ZNF69: variants seen among roughly 807,000 people sequenced by gnomAD.
The protein encoded by ZNF69 is zinc finger protein 69.
In ZNF69, 47 loss-of-function variants were observed where a neutral mutation model predicts 50.9. The ratio of observed to expected loss-of-function variants is 0.92; its 90% CI spans 0.73 to 1.18. The LOEUF (loss-of-function observed/expected upper bound fraction) is 1.18, where lower values mean the gene tolerates loss of function less well. Among genes scored for constraint, ZNF69 ranks in the 50% most tolerant of loss-of-function variants. The pLI, the probability that ZNF69 is intolerant of heterozygous loss-of-function variation, is 0.00. For missense variants in ZNF69, 717 were observed against 675.1 expected (o/e 1.06, Z -0.69); for synonymous variants, 216 against 223.1 (o/e 0.97, Z 0.29).
chr19:11,904,005 C>T (rs28588743), intron 3 of ZNF69, 40 bp downstream of exon 3: 4 of 1,530,730 alleles, frequency 2.6e-6, no homozygotes, highest in Admixed American at 1.8e-5. Flanking sequence ...TCTCTCTAGA[C>T]AATCTTAGAA....
the ZNF69 span, chr19:11,976,985 C>T: frequency 6.2e-7 from 1 of 1,609,974 alleles, no homozygotes; most frequent in African/African-American, 1.3e-5. Context: ...GAGTCTAGGC[C>T]CCCACTGCTG....
chr19:11,964,183 C>T, the ZNF69 span, among the ~76,000 whole-genome samples: 1 of 152,206 alleles, frequency 6.6e-6, no homozygotes, highest in Non-Finnish European at 1.5e-5. Flanking sequence ...AAGTGGCCTC[C>T]AGCCGCTCAG....
At chr19:11,978,888 C>T in the ZNF69 span, 23 of 1,613,256 alleles carry the variant, frequency 1.4e-5, no homozygotes, top group Admixed American at 5.0e-5. Flanking sequence ...TAAAGCATTC[C>T]GTAGTTACAG....
chr19:11,898,434 A>G (rs1233567369), intron 1 of ZNF69, among the ~76,000 whole-genome samples: 4 of 120,778 alleles, frequency 3.3e-5, no homozygotes, highest in Non-Finnish European at 4.7e-5. Flanking sequence ...TCTGTTGCCC[A>G]GGCTGGAGGG....
the ZNF69 span, among the ~76,000 whole-genome samples, chr19:11,958,190 G>A: frequency 5.9e-5 from 9 of 152,070 alleles, no homozygotes; most frequent in South Asian, 1.0e-3. Context: ...GATTTGACTC[G>A]TCCTGAGTTG....
At chr19:11,930,697 C>T in the ZNF69 span, among the ~76,000 whole-genome samples, 16 of 148,360 alleles carry the variant, frequency 1.1e-4, no homozygotes, top group East Asian at 2.9e-3. Context: ...CATAGTTTCA[C>T]ATTACCTTAA....
the ZNF69 span, among the ~76,000 whole-genome samples, chr19:11,974,500 T>A: frequency 9.9e-5 from 15 of 151,870 alleles, no homozygotes; most frequent in African/African-American, 3.4e-4. Context: ...CTGGCCTGTT[T>A]TAATTTACTC....
the ZNF69 span, among the ~76,000 whole-genome samples, chr19:11,976,193 T>C: frequency 6.6e-6 from 1 of 150,964 alleles, no homozygotes. Context: ...TTTTCAAGGA[T>C]ACACAGCCTC....
At chr19:11,957,669 A>G in the ZNF69 span, among the ~76,000 whole-genome samples, 1 of 151,792 alleles carries the variant, frequency 6.6e-6, no homozygotes, top group Non-Finnish European at 1.5e-5. Flanking sequence ...GCATGGTGAA[A>G]CACCATCTCT....
chr19:11,978,317 C>G, the ZNF69 span: 53 of 1,614,052 alleles, frequency 3.3e-5, 1 homozygote, highest in East Asian at 5.1e-4. Context: ...ACATTGGGCA[C>G]AAGGCATACG....
the ZNF69 span, chr19:11,979,959 C>T: frequency 4.0e-6 from 5 of 1,249,184 alleles, no homozygotes; most frequent in Non-Finnish European, 5.8e-6. Context: ...CCTGAAAAAT[C>T]TTACACTGGA....
chr19:11,909,292 AAAAGAGGGAATCCTCCCT>A (rs1972423751), downstream of ZNF69, among the ~76,000 whole-genome samples: 1 of 152,222 alleles, frequency 6.6e-6, no homozygotes, highest in Non-Finnish European at 1.5e-5. Flanking sequence ...AATCAATAGA[AAAAGAGGGAATCCTCCCT>A]AACTCATTTT....
the ZNF69 span, among the ~76,000 whole-genome samples, chr19:11,967,735 A>G: frequency 1.3e-5 from 2 of 152,326 alleles, no homozygotes; most frequent in Admixed American, 1.3e-4. Flanking sequence ...GAAAAAAGAA[A>G]AAGAAGGAAT....
the ZNF69 span, among the ~76,000 whole-genome samples, chr19:11,960,766 T>G: frequency 2.0e-5 from 3 of 152,192 alleles, no homozygotes; most frequent in African/African-American, 7.2e-5. Context: ...TAAAATAATT[T>G]ACCATGTAGT....
At chr19:11,979,287 A>G in the ZNF69 span, 2 of 1,613,088 alleles carry the variant, frequency 1.2e-6, no homozygotes, top group Admixed American at 3.3e-5. Context: ...AGTGTAAGCA[A>G]TGTGGGAAAG....
the ZNF69 span, among the ~76,000 whole-genome samples, chr19:11,958,411 C>T: frequency 1.3e-5 from 2 of 152,216 alleles, no homozygotes; most frequent in South Asian, 2.1e-4. Flanking sequence ...TGGGTGGCTT[C>T]TGAATTGAGT....
chr19:11,947,469 A>G, the ZNF69 span: 1 of 1,603,458 alleles, frequency 6.2e-7, no homozygotes, highest in South Asian at 1.1e-5. Context: ...ATTTTTTCAC[A>G]ATTTTATACT....
the ZNF69 span, among the ~76,000 whole-genome samples, chr19:11,942,117 G>C: frequency 1.7e-4 from 26 of 151,704 alleles, no homozygotes; most frequent in Admixed American, 1.1e-3. Flanking sequence ...TAACTGCAAA[G>C]TGAATGATTC....
the ZNF69 span, among the ~76,000 whole-genome samples, chr19:11,964,002 G>C: frequency 1.3e-5 from 2 of 152,262 alleles, no homozygotes; most frequent in African/African-American, 4.8e-5. Flanking sequence ...GCAGGGGTTT[G>C]AGGGTGTTTG....
Sources: allele counts gnomAD v4.1 joint callset (sites outside exome capture counted in the v4.1 genomes callset), GRCh38; gene constraint gnomAD v4.1.1; transcripts MANE v1.5; gene names NCBI Gene and HGNC (gene_info 2026-07-23, HGNC 2026-07-21).